SLC28A1: variants seen among roughly 807,000 people sequenced by gnomAD.
SLC28A1 encodes solute carrier family 28 member 1.
In SLC28A1, 64 loss-of-function variants were observed where a neutral mutation model predicts 74.8. The observed-to-expected ratio is 0.86, with a 90% CI of 0.70 to 1.05. SLC28A1 has a LOEUF of 1.05. Among genes scored for constraint, SLC28A1 ranks in the 50% least tolerant of loss-of-function variants. SLC28A1 has a pLI of 0.00. For synonymous variants in SLC28A1, 359 were observed against 335.0 expected (o/e 1.07, Z -0.78); for missense variants, 828 against 822.8 (o/e 1.01, Z -0.08).
At chr15:84,954,166 C>T in the SLC28A1 span, among the ~76,000 whole-genome samples, 29 of 152,302 alleles carry the variant, frequency 1.9e-4, no homozygotes, top group East Asian at 4.4e-3. Flanking sequence ...GTGTGCCCTC[C>T]TCCAGACCCA....
rs142969996 is a variant in SLC28A1, at chr15:84,945,051, G to A, written c.1875-74G>A. The stretch of plus-strand genomic sequence containing the variant: ...ACCAGAGACTTGAAACAGTGTTCCC[G>A]GTGTTGCACAGCCTGGTGGTGGCCC... On this transcript the variant is annotated intron_variant, in intron 18 of 18. Transcript: ENST00000394573. 3,554 of 1,349,050 alleles carry A rather than the reference G, an allele frequency of 2.6e-3. 9 individuals carry two copies. Among genetic ancestry groups the A allele is most frequent in the Non-Finnish European group, 3.5e-3 (3,283 of 938,762 alleles). The allele number at this position is 1,349,050 out of a possible 1,614,324, so 83.6% of individuals were successfully genotyped here.
At chr15:84,960,808 G>C in the SLC28A1 span, among the ~76,000 whole-genome samples, 1 of 152,128 alleles carries the variant, frequency 6.6e-6, no homozygotes, top group Non-Finnish European at 1.5e-5. Context: ...TATCTCTCCT[G>C]TTGCTGCTCT....
chr15:84,892,134 G>A (rs1309815162), intron 5 of SLC28A1, among the ~76,000 whole-genome samples: 2 of 151,988 alleles, frequency 1.3e-5, no homozygotes, highest in African/African-American at 4.8e-5. Context: ...AGGATTGTTT[G>A]AGCCCAGGAG....
At chr15:84,973,926 GTCTTC>G in the SLC28A1 span, among the ~76,000 whole-genome samples, 27 of 152,238 alleles carry the variant, frequency 1.8e-4, no homozygotes, top group African/African-American at 6.5e-4. Context: ...CCCCTCCACA[GTCTTC>G]TCTTCAAGCA....
At chr15:84,923,506 C>T (rs1367111557) in intron 11 of SLC28A1, among the ~76,000 whole-genome samples, 2 of 152,130 alleles carry the variant, frequency 1.3e-5, no homozygotes, top group African/African-American at 4.8e-5. Context: ...CTTCGGGCTG[C>T]CCAGATGCCC....
chr15:84,915,268 G>A (rs780788121), intron 9 of SLC28A1, among the ~76,000 whole-genome samples: 2 of 152,220 alleles, frequency 1.3e-5, no homozygotes, highest in Admixed American at 1.3e-4. Flanking sequence ...TGACAGCAGA[G>A]CAAGTCCAGA....
rs563506067 is a variant in SLC28A1 at position 84,942,552 on chromosome 15, CT to C, written c.1582-888del. Among the ~76,000 whole-genome samples, 211 of 152,200 alleles carry C rather than the reference CT, an allele frequency of 1.4e-3. 1 individual carries two copies. Among genetic ancestry groups the C allele is most frequent in the African/African-American group, 4.9e-3 (203 of 41,520 alleles). ...GGTGTTTCCCATACATTATATAATCCTTTTTACAGCCCTCCCAGGCAACTAC... is the reference window on the plus strand; with the variant it reads ...GGTGTTTCCCATACATTATATAATCCTTTTACAGCCCTCCCAGGCAACTAC... On this transcript the variant is annotated intron_variant, in intron 15 of 18. Transcript: ENST00000394573.
chr15:84,919,966 G>T (rs1047153145), intron 10 of SLC28A1, among the ~76,000 whole-genome samples: 1 of 152,176 alleles, frequency 6.6e-6, no homozygotes, highest in Non-Finnish European at 1.5e-5. Flanking sequence ...GATAGTGAAA[G>T]GGATTGAAAC....
At chr15:84,907,055 G>A (rs1967362734) in intron 8 of SLC28A1, among the ~76,000 whole-genome samples, 1 of 152,180 alleles carries the variant, frequency 6.6e-6, no homozygotes, top group Non-Finnish European at 1.5e-5. Flanking sequence ...CAGATTGGTT[G>A]TTTCAAGGTC....
intron 12 of SLC28A1, among the ~76,000 whole-genome samples, chr15:84,926,899 G>A (rs987859904): frequency 1.3e-5 from 2 of 152,020 alleles, no homozygotes; most frequent in Non-Finnish European, 2.9e-5. Context: ...CTGTCCCTGG[G>A]GATGATGAGA....
the SLC28A1 span, among the ~76,000 whole-genome samples, chr15:84,953,244 C>G: frequency 6.6e-6 from 1 of 152,188 alleles, no homozygotes; most frequent in Non-Finnish European, 1.5e-5. Flanking sequence ...AGGCCCAGAA[C>G]CCAGAGGTGA....
intron 12 of SLC28A1, among the ~76,000 whole-genome samples, chr15:84,929,166 A>G (rs1970992115): frequency 6.6e-6 from 1 of 152,186 alleles, no homozygotes; most frequent in African/African-American, 2.4e-5. Context: ...TATTGATTAC[A>G]TGGGTGGAAA....
intron 13 of SLC28A1, 72 bp from the exon 14 acceptor site, chr15:84,934,954 A>G (rs929148062): frequency 2.3e-6 from 3 of 1,285,388 alleles, no homozygotes; most frequent in East Asian, 4.6e-5. Flanking sequence ...TTCCTATTTG[A>G]GCCTATAGGA....
chr15:84,950,978 A>G, the SLC28A1 span, among the ~76,000 whole-genome samples: 3 of 152,164 alleles, frequency 2.0e-5, 1 homozygote, highest in African/African-American at 7.2e-5. Flanking sequence ...GTTTACAAAA[A>G]CAGGAGGCCA....
At chr15:84,942,114 G>T (rs75825317) in intron 15 of SLC28A1, among the ~76,000 whole-genome samples, 1 of 152,018 alleles carries the variant, frequency 6.6e-6, no homozygotes, top group Non-Finnish European at 1.5e-5. Context: ...AGTGTGAGGG[G>T]AGGCTCTATA....
At chr15:84,902,204 G>T (rs1369437397) in intron 6 of SLC28A1, among the ~76,000 whole-genome samples, 1 of 152,114 alleles carries the variant, frequency 6.6e-6, no homozygotes, top group Non-Finnish European at 1.5e-5. Context: ...AGTAGGCAGG[G>T]TGCGGTGGCT....
At chr15:84,900,871 C>CAAGGAAGG (rs60285824) in intron 6 of SLC28A1, among the ~76,000 whole-genome samples, 7,851 of 146,390 alleles carry the variant, frequency 0.054, 607 homozygotes, top group African/African-American at 0.17. Flanking sequence ...GGGTGAAAGG[C>CAAGGAAGG]AAGGAAGGAA....
At chr15:84,902,614 A>T (rs1966794614) in intron 6 of SLC28A1, among the ~76,000 whole-genome samples, 1 of 152,182 alleles carries the variant, frequency 6.6e-6, no homozygotes, top group Admixed American at 6.5e-5. Context: ...GGTTTCAAGG[A>T]GTATACGTAT....
chr15:84,956,442 CCTTTCTTT>C, the SLC28A1 span, among the ~76,000 whole-genome samples: 103 of 124,656 alleles, frequency 8.3e-4, 1 homozygote, highest in East Asian at 0.011. Flanking sequence ...TTCCTTCCTT[CCTTTCTTT>C]CTTTCTTTCT....
Sources: gnomAD v4.1 joint callset for allele counts (sites outside exome capture counted in the v4.1 genomes callset) on GRCh38, gnomAD v4.1.1 for gene constraint, MANE v1.5 for transcripts, NCBI Gene and HGNC (gene_info 2026-07-23, HGNC 2026-07-21) for gene names.